Variants in PTPRD observed in about 807,000 individuals in gnomAD.
The protein encoded by PTPRD is receptor-type tyrosine-protein phosphatase delta.
Under a neutral mutation model 214.5 loss-of-function variants are expected in PTPRD, and 34 were observed. That is an observed-to-expected ratio of 0.16 (90% CI 0.12 to 0.21). The LOEUF (loss-of-function observed/expected upper bound fraction) is 0.21. PTPRD is among the 10% of genes least tolerant of loss of function. The probability of loss-of-function intolerance (pLI) is 1.00; values close to 1 mark genes in which losing one functional copy is unlikely to be tolerated. For synonymous variants in PTPRD, 1,128 were observed against 845.7 expected, an observed-to-expected ratio of 1.33 and a Z score of -5.79; for missense variants, 2,545 against 2,398.7, an observed-to-expected ratio of 1.06 and a Z score of -1.27.
chr9:9,533,091 C>G (rs1276089831), intron 8 of PTPRD, among the ~76,000 whole-genome samples: 2 of 152,056 alleles, frequency 1.3e-5, no homozygotes, highest in Non-Finnish European at 2.9e-5. Flanking sequence ...CAGCTTATAG[C>G]ATTTTGCATA....
chr9:10,461,235 T>A (rs1339056203), intron 2 of PTPRD, among the ~76,000 whole-genome samples: 2 of 118,398 alleles, frequency 1.7e-5, no homozygotes, highest in South Asian at 2.9e-4. Flanking sequence ...AGATAAGAGA[T>A]AACAGGTGTT....
chr9:8,315,315 C>T lies in PTPRD; in HGVS notation c.*2559G>A, dbSNP rs1587141129. The T allele has an allele frequency of 1.3e-5, 3 of 232,534 alleles. No homozygotes were observed. Among genetic ancestry groups the T allele is most frequent in the African/African-American group, 4.4e-5 (2 of 45,254 alleles). The allele number at this position is 232,534 out of a possible 1,614,324, so 14.4% of individuals were successfully genotyped here. A position where few individuals can be genotyped will look rare whatever the true frequency, so the allele number is the denominator to read the frequency against. ...TCTTCTTCTGATTATTGTCATCTTT[C>T]CCTTTGCCAAATGGGCAGTTATTGT... On this transcript the variant is annotated 3_prime_UTR_variant, in exon 46 of 46. Transcript: ENST00000381196.
chr9:8,382,855 T>C (rs73416474), intron 37 of PTPRD, among the ~76,000 whole-genome samples: 6,011 of 152,300 alleles, frequency 0.039, 388 homozygotes, highest in African/African-American at 0.14. Context: ...GGCAGCACTT[T>C]AGGCTGCAGT....
intron 12 of PTPRD, among the ~76,000 whole-genome samples, chr9:8,703,900 C>A (rs544455561): frequency 6.6e-6 from 1 of 152,308 alleles, no homozygotes; most frequent in South Asian, 2.1e-4. Context: ...TCAAGCCAAA[C>A]AACTCTACCC....
intron 30 of PTPRD, among the ~76,000 whole-genome samples, chr9:8,478,016 T>C (rs1006973795): frequency 1.3e-5 from 2 of 152,210 alleles, no homozygotes; most frequent in South Asian, 2.1e-4. Flanking sequence ...CATCAGTTAA[T>C]GTGTGTAACA....
rs185381648 is a variant in PTPRD, at chr9:9,092,822, C to A, written c.-142-74087G>T. ...AGAAAGACAAATAAAAAATTATGAT[C>A]ATCAACCATACCAATAATTTCATCA... On this transcript the variant is annotated intron_variant, in intron 10 of 45. Coordinates refer to ENST00000381196, the MANE Select transcript of PTPRD (RefSeq NM_002839.4). 5.0e-3 allele frequency among the ~76,000 whole-genome samples: 761 copies of A among 152,036 alleles called. 22 individuals are homozygous for A. Among genetic ancestry groups the A allele is most frequent in the Admixed American group, 0.044 (666 of 15,270 alleles).
rs546161020 is a variant in PTPRD at position 8,819,326 on chromosome 9, A to G, written c.-103-85380T>C. On this transcript the variant is annotated intron_variant, in intron 11 of 45. Transcript: ENST00000381196. ...AGGTAGACTGATCTGTTTCATATTC[A>G]TATATTAACTTATATTTTATTTTAT... Among the ~76,000 whole-genome samples, 14 of 152,222 alleles carry G rather than the reference A, an allele frequency of 9.2e-5. 1 individual carries two copies. Among genetic ancestry groups the G allele is most frequent in the African/African-American group, 3.4e-4 (14 of 41,552 alleles).
intron 11 of PTPRD, among the ~76,000 whole-genome samples, chr9:8,929,738 T>G: frequency 9.0e-6 from 1 of 111,038 alleles, no homozygotes; most frequent in Non-Finnish European, 1.8e-5. Flanking sequence ...TATGTGTATA[T>G]ATATGTGTAT....
chr9:9,709,440 A>G (rs2097686299), intron 7 of PTPRD, among the ~76,000 whole-genome samples: 1 of 152,012 alleles, frequency 6.6e-6, no homozygotes, highest in Non-Finnish European at 1.5e-5. Flanking sequence ...GTAGGCCAAC[A>G]CTCAGGTAGT....
intron 12 of PTPRD, among the ~76,000 whole-genome samples, chr9:8,726,588 A>AAAATAT (rs1565592985): frequency 1.0e-4 from 1 of 9,684 alleles, no homozygotes; most frequent in Non-Finnish European, 1.9e-4. Context: ...AAAAAAAAAA[A>AAAATAT]ATATATATAT....
At chr9:9,198,782 T>G (rs954420878) in intron 9 of PTPRD, among the ~76,000 whole-genome samples, 1 of 152,146 alleles carries the variant, frequency 6.6e-6, no homozygotes, top group African/African-American at 2.4e-5. Flanking sequence ...TAATGGAAAA[T>G]ATCTGATTTA....
At chr9:10,254,476 G>A (rs2093069860) in intron 3 of PTPRD, among the ~76,000 whole-genome samples, 1 of 151,942 alleles carries the variant, frequency 6.6e-6, no homozygotes, top group Non-Finnish European at 1.5e-5. Context: ...CCAGGCTGAT[G>A]GCCATCTCGG....
At chr9:8,596,269 ATTATAT>A (rs2094471761) in intron 14 of PTPRD, among the ~76,000 whole-genome samples, 1 of 151,230 alleles carries the variant, frequency 6.6e-6, no homozygotes. Context: ...GATTATATGG[ATTATAT>A]GGATATATGG....
intron 5 of PTPRD, among the ~76,000 whole-genome samples, chr9:9,861,795 G>C (rs1386807400): frequency 6.6e-6 from 1 of 151,980 alleles, no homozygotes; most frequent in Non-Finnish European, 1.5e-5. Flanking sequence ...GTAATGACAA[G>C]AAAAACAAGT....
At chr9:8,391,115 G>T (rs1564488317) in intron 36 of PTPRD, among the ~76,000 whole-genome samples, 1 of 151,910 alleles carries the variant, frequency 6.6e-6, no homozygotes, top group Non-Finnish European at 1.5e-5. Flanking sequence ...TGGGAAATAT[G>T]AATCTTGGAA....
In PTPRD at chr9:8,500,792, G is replaced by A. The variant is rs1454616471; in HGVS notation, c.2090C>T (p.Pro697Leu). The A allele has an allele frequency of 1.2e-6, 2 of 1,614,106 alleles. No homozygotes were observed. The highest frequency in any genetic ancestry group is 2.2e-5 in the South Asian group (2 of 91,076). ...VTAHTDVGPG[P>L]ESLSVLIRTN... ...TCGAATCAACACGGACAAGCTCTCAGGGCCAGGGCCGACATCTGTATGGGC... is the reference window on the plus strand; with the variant it reads ...TCGAATCAACACGGACAAGCTCTCAAGGCCAGGGCCGACATCTGTATGGGC... Residue 697 changes from proline to leucine, a missense_variant, in exon 24 of 46, where the codon CCT (proline) becomes CTT (leucine). By Grantham distance (98) the Pro-to-Leu change is moderately conservative. Transcript: ENST00000381196.
chr9:9,502,817 AC>A (rs1703087642), intron 8 of PTPRD, among the ~76,000 whole-genome samples: 1 of 151,958 alleles, frequency 6.6e-6, no homozygotes, highest in Admixed American at 6.6e-5. Context: ...CAAAGAAGCT[AC>A]ATGCAAAAGA....
At chr9:10,303,768 T>A (rs1358371454) in intron 3 of PTPRD, among the ~76,000 whole-genome samples, 1 of 152,164 alleles carries the variant, frequency 6.6e-6, no homozygotes, top group African/African-American at 2.4e-5. Flanking sequence ...GAGGCAGTTA[T>A]TAATAGTCTA....
intron 14 of PTPRD, among the ~76,000 whole-genome samples, chr9:8,606,421 A>C (rs892210277): frequency 6.6e-6 from 1 of 152,214 alleles, no homozygotes; most frequent in South Asian, 2.1e-4. Context: ...CTCTCAACCT[A>C]ACAAATGAAG....
Sources: allele counts gnomAD v4.1 joint callset (sites outside exome capture counted in the v4.1 genomes callset), GRCh38; gene constraint gnomAD v4.1.1; transcripts MANE v1.5; gene names NCBI Gene and HGNC (gene_info 2026-07-23, HGNC 2026-07-21).